The following RHOBTB3 variants were observed in gnomAD, a reference collection of about 807,000 sequenced individuals.
The protein encoded by RHOBTB3 is Rho related BTB domain containing 3, also known as rho-related BTB domain-containing protein 3.
Under a neutral mutation model 67.2 loss-of-function variants are expected in RHOBTB3, and 47 were observed. The observed-to-expected ratio is 0.70, with a 90% CI of 0.55 to 0.89. The LOEUF (loss-of-function observed/expected upper bound fraction) is 0.89, where lower values mean the gene tolerates loss of function less well. Among genes scored for constraint, RHOBTB3 ranks in the 40% least tolerant of loss-of-function variants. RHOBTB3 has a pLI of 0.00. For synonymous variants in RHOBTB3, 273 were observed against 274.2 expected (o/e 1.00, Z 0.04); for missense variants, 631 against 750.0 (o/e 0.84, Z 1.85).
intron 11 of RHOBTB3, 95 bp from the exon 12 acceptor site, chr5:95,792,964 G>A: frequency 1.2e-6 from 1 of 801,724 alleles, no homozygotes; most frequent in Non-Finnish European, 2.1e-6. Context: ...TCACAGAGCT[G>A]GATCTCATCT....
intron 6 of RHOBTB3, chr5:95,756,000 T>C (rs1745234449): frequency 2.2e-6 from 1 of 461,494 alleles, no homozygotes; most frequent in Non-Finnish European, 3.8e-6. Context: ...TGTGGTAAAA[T>C]ACATAGAACA....
intron 2 of RHOBTB3, chr5:95,732,388 C>CG: frequency 1.8e-6 from 1 of 561,798 alleles, no homozygotes; most frequent in Non-Finnish European, 3.1e-6. Flanking sequence ...CTCCAAGGGA[C>CG]GGGGTCACTA....
Position 95,743,713 on chromosome 5 carries a change from ATT to A in RHOBTB3, c.416-4606_416-4605del, listed in dbSNP as rs746240058. ...TCCCTCCCTTCTTCTCCTCCCCCCC[ATT>A]TTTTTTTTTTTTTGAGACAGCATGT... is the stretch of plus-strand genomic sequence containing the variant. On this transcript the variant is annotated intron_variant, in intron 3 of 11. Transcript: ENST00000379982. Among the ~76,000 whole-genome samples, 212 of 84,114 alleles carry A rather than the reference ATT, an allele frequency of 2.5e-3. 1 individual carries two copies. The highest frequency in any genetic ancestry group is 0.02 in the Middle Eastern group (3 of 150). The allele number at this position is 84,114 out of a possible 152,430, so 55.2% of individuals were successfully genotyped here.
chr5:95,757,648 GT>G (rs888484312), intron 6 of RHOBTB3, among the ~76,000 whole-genome samples: 3 of 152,186 alleles, frequency 2.0e-5, no homozygotes, highest in African/African-American at 7.2e-5. Flanking sequence ...ATTTTGAAAA[GT>G]ACAGTTGCAG....
At chr5:95,725,048 C>T (rs1561433857) in intron 1 of RHOBTB3, among the ~76,000 whole-genome samples, 1 of 152,026 alleles carries the variant, frequency 6.6e-6, no homozygotes, top group African/African-American at 2.4e-5. Flanking sequence ...TGGACATACA[C>T]ATGCCATGTG....
chr5:95,792,080 A>C (rs908242905), intron 11 of RHOBTB3, among the ~76,000 whole-genome samples: 1 of 152,204 alleles, frequency 6.6e-6, no homozygotes, highest in South Asian at 2.1e-4. Context: ...TCCAACTCCA[A>C]GGCAGGAAGC....
At chr5:95,722,114 A>T (rs1231158478) in intron 1 of RHOBTB3, among the ~76,000 whole-genome samples, 1 of 152,182 alleles carries the variant, frequency 6.6e-6, no homozygotes, top group Non-Finnish European at 1.5e-5. Flanking sequence ...AAAAAAGGAG[A>T]ACATTTCTAA....
At chr5:95,731,196 C>T (rs1755224940), upstream of RHOBTB3, 2 of 1,003,936 alleles carry the variant, frequency 2.0e-6, no homozygotes, top group Non-Finnish European at 2.4e-6. Context: ...GCTCCCGGGG[C>T]CTCCGCGGGG....
At chr5:95,786,130 T>C (rs2112837406) in intron 10 of RHOBTB3, among the ~76,000 whole-genome samples, 1 of 152,380 alleles carries the variant, frequency 6.6e-6, no homozygotes, top group East Asian at 1.9e-4. Flanking sequence ...TGGTGGTTCC[T>C]AATTTGGCAA....
chr5:95,775,101 T>C (rs1281483690), intron 8 of RHOBTB3, among the ~76,000 whole-genome samples: 1 of 152,132 alleles, frequency 6.6e-6, no homozygotes, highest in African/African-American at 2.4e-5. Flanking sequence ...CTAGAAAAAT[T>C]AGATTGATTT....
intron 3 of RHOBTB3, among the ~76,000 whole-genome samples, chr5:95,744,809 G>T (rs187009583): frequency 4.4e-4 from 67 of 152,140 alleles, no homozygotes; most frequent in African/African-American, 1.6e-3. Context: ...GGTGACTCAC[G>T]CCTGTAATCC....
At chr5:95,768,013 A>G (rs1745598944) in intron 7 of RHOBTB3, 33 bp from the exon 8 acceptor site, 2 of 1,605,644 alleles carry the variant, frequency 1.2e-6, no homozygotes, top group Non-Finnish European at 1.7e-6. Context: ...CATGTTAAAC[A>G]ACCTTTCCCT....
At chr5:95,742,319 C>G (rs1755623719) in intron 3 of RHOBTB3, among the ~76,000 whole-genome samples, 1 of 152,106 alleles carries the variant, frequency 6.6e-6, no homozygotes. Context: ...AAATCTTTAC[C>G]TGAAATACAA....
chr5:95,790,619 A>G (rs1479664594), intron 11 of RHOBTB3, among the ~76,000 whole-genome samples: 2 of 152,158 alleles, frequency 1.3e-5, no homozygotes, highest in Non-Finnish European at 2.9e-5. Context: ...GGAGGAAACG[A>G]TGTGTCGATG....
chr5:95,722,771 C>T (rs1323906648), intron 1 of RHOBTB3, among the ~76,000 whole-genome samples: 1 of 152,222 alleles, frequency 6.6e-6, no homozygotes, highest in Non-Finnish European at 1.5e-5. Context: ...GCGTGAGCCA[C>T]TGCGCCCAGC....
intron 2 of RHOBTB3, among the ~76,000 whole-genome samples, chr5:95,735,867 G>A (rs1561438978): frequency 6.6e-6 from 1 of 152,292 alleles, no homozygotes; most frequent in South Asian, 2.1e-4. Context: ...TTGGGAGACC[G>A]AAGTGGGCAG....
At chr5:95,767,168 A>G (rs1300803455) in intron 7 of RHOBTB3, among the ~76,000 whole-genome samples, 1 of 151,826 alleles carries the variant, frequency 6.6e-6, no homozygotes, top group Non-Finnish European at 1.5e-5. Flanking sequence ...CCAATATCGC[A>G]CCATTGCACT....
intron 8 of RHOBTB3, among the ~76,000 whole-genome samples, chr5:95,775,423 C>G (rs1561453337): frequency 7.0e-6 from 1 of 142,318 alleles, no homozygotes; most frequent in Non-Finnish European, 1.6e-5. Context: ...TATATATATA[C>G]ACATATATAT....
chr5:95,737,711 CT>C (rs1462902545), intron 3 of RHOBTB3, among the ~76,000 whole-genome samples: 1 of 152,146 alleles, frequency 6.6e-6, no homozygotes, highest in Non-Finnish European at 1.5e-5. Context: ...ACACATTATT[CT>C]AAAAACTTTT....
Sources: allele counts gnomAD v4.1 joint callset (sites outside exome capture counted in the v4.1 genomes callset), GRCh38; gene constraint gnomAD v4.1.1; transcripts MANE v1.5; gene names NCBI Gene and HGNC (gene_info 2026-07-23, HGNC 2026-07-21).